Variants in TCF12 observed in about 807,000 individuals in gnomAD.
TCF12 encodes transcription factor 12, also known as DNA-binding protein HTF4.
TCF12 carries 45 observed loss-of-function variants against 86.0 expected under a neutral mutation model. The ratio of observed to expected loss-of-function variants is 0.52; its 90% CI spans 0.41 to 0.67. The LOEUF (loss-of-function observed/expected upper bound fraction) is 0.67. TCF12 is among the 30% of genes least tolerant of loss of function. The pLI is 0.00. For synonymous variants in TCF12, 330 were observed against 299.6 expected (o/e 1.10, Z -1.05); for missense variants, 881 against 859.9 (o/e 1.02, Z -0.31).
At chr15:57,013,769 G>A (rs567646444) in intron 3 of TCF12, among the ~76,000 whole-genome samples, 4 of 152,262 alleles carry the variant, frequency 2.6e-5, no homozygotes, top group African/African-American at 4.8e-5. Flanking sequence ...CTACTTGTGC[G>A]TTTTTAAGTT....
chr15:57,063,636 G>C (rs1596349201), intron 3 of TCF12, 114 bp from the exon 4 acceptor site: 1 of 672,730 alleles, frequency 1.5e-6, no homozygotes, highest in African/African-American at 1.8e-5. Flanking sequence ...TTGATACTTA[G>C]CTCTTCCACG....
intron 3 of TCF12, among the ~76,000 whole-genome samples, chr15:57,005,405 G>T (rs1213703948): frequency 6.6e-6 from 1 of 151,982 alleles, no homozygotes; most frequent in Admixed American, 6.6e-5. Flanking sequence ...AGGGATCAGT[G>T]GTCTGTGGAA....
chr15:56,925,710 T>C (rs1463036692), intron 3 of TCF12, among the ~76,000 whole-genome samples: 6 of 152,246 alleles, frequency 3.9e-5, no homozygotes, highest in East Asian at 1.9e-4. Context: ...AGAAGTGCTA[T>C]TTGTGGACAA....
chr15:57,082,889 G>C (rs553482364), intron 4 of TCF12, among the ~76,000 whole-genome samples: 1 of 152,090 alleles, frequency 6.6e-6, no homozygotes, highest in African/African-American at 2.4e-5. Context: ...AACCTTATTT[G>C]TAATAGGGAG....
chr15:56,929,906 T>C (rs1231112161), intron 3 of TCF12, among the ~76,000 whole-genome samples: 3 of 152,182 alleles, frequency 2.0e-5, no homozygotes, highest in African/African-American at 7.2e-5. Context: ...TGGTAATCTA[T>C]GGAAGATCAT....
In TCF12 at chr15:57,143,697, T is replaced by C. The variant is rs189325901; in HGVS notation, c.326-22705T>C. ...TTCACATGTGCATTGCCTATACACA[T>C]GAGTGTACCCAGAGACGAGTTACTC... On this transcript the variant is annotated intron_variant, in intron 5 of 20. Transcript: ENST00000333725. Among the ~76,000 whole-genome samples, 14 of 152,284 alleles carry C rather than the reference T, an allele frequency of 9.2e-5. No individual in the cohort carries two copies. In the East Asian group the frequency reaches 2.3e-3, roughly 25 times the overall value.
chr15:57,208,268 G>A lies in TCF12; in HGVS notation c.579+10443G>A, dbSNP rs1053394882. 4.6e-5 allele frequency among the ~76,000 whole-genome samples: 7 copies of A among 151,222 alleles called. No homozygotes were observed. In the South Asian group the frequency reaches 6.3e-4, roughly 14 times the overall value. On this transcript the variant is annotated intron_variant, in intron 8 of 20. Transcript: ENST00000333725. ...AGGCTGGTCTTGAACTCCTGACCTC[G>A]TGATCCACCCGCCTCAGCCTCCCAA...
chr15:57,098,009 CAAAAAAA>C (rs72046243), intron 5 of TCF12, among the ~76,000 whole-genome samples: 10 of 48,416 alleles, frequency 2.1e-4, no homozygotes, highest in African/African-American at 4.7e-4. Context: ...TACAAAAATA[CAAAAAAA>C]AAAAAAAAAA....
chr15:56,978,128 T>G (rs1157206479), intron 3 of TCF12, among the ~76,000 whole-genome samples: 1 of 152,238 alleles, frequency 6.6e-6, no homozygotes, highest in Non-Finnish European at 1.5e-5. Context: ...TGGAACCTTA[T>G]GTCTTGTGTT....
chr15:56,945,809 T>G (rs1327531551), intron 3 of TCF12, among the ~76,000 whole-genome samples: 2 of 152,204 alleles, frequency 1.3e-5, no homozygotes, highest in African/African-American at 2.4e-5. Flanking sequence ...CTGTGAGGGC[T>G]TCATCCTCAT....
rs1180417631 is a variant in TCF12 at position 57,168,970 on chromosome 15, C to T, written c.390+2504C>T. Among the ~76,000 whole-genome samples, 6 of 152,024 alleles carry T rather than the reference C, an allele frequency of 3.9e-5. No individual in the cohort carries two copies. In the South Asian group the frequency reaches 8.3e-4, roughly 21 times the overall value. ...CTGAGGCAGGAGAATCGCTGGAACC[C>T]GGGAGGCAGAGGTTGCAGTGAGCTG... On this transcript the variant is annotated intron_variant, in intron 6 of 20. Coordinates refer to ENST00000333725, the MANE Select transcript of TCF12 (RefSeq NM_207037.2).
intron 3 of TCF12, among the ~76,000 whole-genome samples, chr15:56,935,953 G>A (rs891012033): frequency 3.3e-5 from 5 of 152,038 alleles, no homozygotes; most frequent in African/African-American, 7.2e-5. Flanking sequence ...TGCTATAAAC[G>A]TGTGTGCAAG....
At chr15:56,968,002 G>T (rs2062087634) in intron 3 of TCF12, among the ~76,000 whole-genome samples, 1 of 151,940 alleles carries the variant, frequency 6.6e-6, no homozygotes. Flanking sequence ...GTGGCCCAGG[G>T]TGGAGTGCAG....
At chr15:57,074,705 G>A (rs1026623522) in intron 4 of TCF12, among the ~76,000 whole-genome samples, 11 of 152,166 alleles carry the variant, frequency 7.2e-5, no homozygotes, top group Non-Finnish European at 1.5e-4. Flanking sequence ...CAGGTCTTGG[G>A]ATTTGGAGAT....
chr15:57,264,399 C>T (rs2060748056), intron 18 of TCF12, among the ~76,000 whole-genome samples: 1 of 151,522 alleles, frequency 6.6e-6, no homozygotes, highest in South Asian at 2.1e-4. Flanking sequence ...CGGGGTTTCA[C>T]CATGTTGGCC....
intron 16 of TCF12, among the ~76,000 whole-genome samples, chr15:57,261,014 C>T (rs1367680109): frequency 1.3e-5 from 2 of 151,990 alleles, no homozygotes; most frequent in Non-Finnish European, 2.9e-5. Flanking sequence ...GGAAGTCTGC[C>T]ATAGTTTCTG....
chr15:57,177,849 C>T (rs1211759658), intron 6 of TCF12, among the ~76,000 whole-genome samples: 1 of 151,976 alleles, frequency 6.6e-6, no homozygotes, highest in African/African-American at 2.4e-5. Context: ...CCTGGGACTA[C>T]AGGCATGTGC....
At chr15:56,951,932 GC>G (rs1202260975) in intron 3 of TCF12, among the ~76,000 whole-genome samples, 4 of 152,188 alleles carry the variant, frequency 2.6e-5, no homozygotes, top group Admixed American at 6.5e-5. Flanking sequence ...ACGGGTGCCA[GC>G]CACTGCACAC....
At chr15:57,098,261 G>A (rs2049479169) in intron 5 of TCF12, among the ~76,000 whole-genome samples, 1 of 152,070 alleles carries the variant, frequency 6.6e-6, no homozygotes, top group African/African-American at 2.4e-5. Context: ...CTAGCTCACA[G>A]TCCCTTTCCA....
Sources: allele counts gnomAD v4.1 joint callset (sites outside exome capture counted in the v4.1 genomes callset), GRCh38; gene constraint gnomAD v4.1.1; transcripts MANE v1.5; gene names NCBI Gene and HGNC (gene_info 2026-07-23, HGNC 2026-07-21).